ZSWIM6: variants seen among roughly 807,000 people sequenced by gnomAD.
ZSWIM6 encodes zinc finger SWIM-type containing 6.
In ZSWIM6, 9 loss-of-function variants were observed where a neutral mutation model predicts 113.2. The ratio of observed to expected loss-of-function variants is 0.08; its 90% CI spans 0.05 to 0.14. The LOEUF (loss-of-function observed/expected upper bound fraction) is 0.14. Ranked by LOEUF, ZSWIM6 falls within the 10% of genes least tolerant of loss-of-function variation. The probability of loss-of-function intolerance (pLI) is 1.00; values close to 1 mark genes in which losing one functional copy is unlikely to be tolerated. For synonymous variants in ZSWIM6, 611 were observed against 606.5 expected (o/e 1.01, Z -0.11); for missense variants, 1,162 against 1,552.2 (o/e 0.75, Z 4.22).
intron 1 of ZSWIM6, among the ~76,000 whole-genome samples, chr5:61,422,210 T>A (rs549150873): frequency 6.6e-6 from 1 of 152,332 alleles, no homozygotes; most frequent in East Asian, 1.9e-4. Context: ...GTCTTAGATT[T>A]AAGTGTTTAA....
At chr5:61,465,606 A>G (rs1321144272) in intron 1 of ZSWIM6, among the ~76,000 whole-genome samples, 1 of 152,194 alleles carries the variant, frequency 6.6e-6, no homozygotes, top group Non-Finnish European at 1.5e-5. Flanking sequence ...AAAATGGTGT[A>G]AGAATCTACA....
chr5:61,538,668 C>G lies in ZSWIM6; in HGVS notation c.2382-146C>G, dbSNP rs543569388. On this transcript the variant is annotated intron_variant, in intron 10 of 13. Coordinates refer to ENST00000252744, the MANE Select transcript of ZSWIM6 (RefSeq NM_020928.2). ...ATCTAGGTATTTTGCACCCACACAG[C>G]AGAGTATAGCTGTACCAGCCCTTGC... 7 of 824,030 alleles carry G rather than the reference C, an allele frequency of 8.5e-6. No individual in the cohort carries two copies. The East Asian group carries it at 1.9e-4, about 23-fold the overall frequency. The allele number at this position is 824,030 out of a possible 1,614,324, so 51.0% of individuals were successfully genotyped here.
At chr5:61,507,837 TATG>T (rs1481007072) in intron 4 of ZSWIM6, among the ~76,000 whole-genome samples, 7 of 152,300 alleles carry the variant, frequency 4.6e-5, no homozygotes, top group African/African-American at 1.7e-4. Context: ...TATGCTGAAA[TATG>T]AGGAATGGAA....
Position 61,519,744 on chromosome 5 carries a change from A to G in ZSWIM6, c.1334-1519A>G, listed in dbSNP as rs368313253. On this transcript the variant is annotated intron_variant, in intron 4 of 13. Transcript: ENST00000252744. ...AGCTATTTGATATTTAAAATAATAG[A>G]TACTCTTACATAGCAGTCCCCAACC... is the stretch of plus-strand genomic sequence containing the variant. Among the ~76,000 whole-genome samples the G allele has an allele frequency of 1.8e-4, 27 of 152,200 alleles. No individual in the cohort carries two copies. The East Asian group carries it at 5.0e-3, about 28-fold the overall frequency.
intron 1 of ZSWIM6, among the ~76,000 whole-genome samples, chr5:61,416,810 A>G (rs1186750256): frequency 6.6e-6 from 1 of 152,252 alleles, no homozygotes. Context: ...TAGACAGGGA[A>G]TGAATGAGAA....
intron 1 of ZSWIM6, among the ~76,000 whole-genome samples, chr5:61,408,239 T>C (rs1406937140): frequency 6.6e-6 from 1 of 152,242 alleles, no homozygotes; most frequent in Non-Finnish European, 1.5e-5. Context: ...AAAATACTTC[T>C]GGGTGAATAC....
chr5:61,391,032 G>C, intron 1 of ZSWIM6: 1 of 747,884 alleles, frequency 1.3e-6, no homozygotes, highest in Non-Finnish European at 2.5e-6. Flanking sequence ...AGATCTTGTT[G>C]ATCTCAGTGC....
chr5:61,405,127 G>T (rs1454584986), intron 1 of ZSWIM6, among the ~76,000 whole-genome samples: 1 of 152,208 alleles, frequency 6.6e-6, no homozygotes, highest in Non-Finnish European at 1.5e-5. Flanking sequence ...TGTTGTAGAG[G>T]TTAGTTGCTA....
Position 61,544,332 on chromosome 5 carries a change from ATGGGGTGGGGGG to A in ZSWIM6, c.*21_*32del. 1 of 190,958 alleles carries A rather than the reference ATGGGGTGGGGGG, an allele frequency of 5.2e-6. No homozygotes were observed. The highest frequency in any genetic ancestry group is 1.0e-5 in the Non-Finnish European group (1 of 98,516). The allele number at this position is 190,958 out of a possible 1,614,324, so 11.8% of individuals were successfully genotyped here. A position where few individuals can be genotyped will look rare whatever the true frequency, so the allele number is the denominator to read the frequency against. ...GGTTTGGTTGATAGATCTTGTATGA[ATGGGGTGGGGGG>A]TGGGGATGGGAGGGATGGTTTGTTT... On this transcript the variant is annotated 3_prime_UTR_variant, in exon 14 of 14. Transcript: ENST00000252744.
chr5:61,541,396 A>T (rs1258618843), intron 12 of ZSWIM6, among the ~76,000 whole-genome samples: 1 of 152,218 alleles, frequency 6.6e-6, no homozygotes, highest in East Asian at 1.9e-4. Context: ...AGTTACCTTC[A>T]TGGTCACCAG....
chr5:61,526,146 G>T (rs1169605863), intron 6 of ZSWIM6, 104 bp from the exon 7 acceptor site: 3 of 1,442,028 alleles, frequency 2.1e-6, no homozygotes, highest in East Asian at 2.5e-5. Flanking sequence ...ATGGTTTCTT[G>T]TGTCTTTTTA....
chr5:61,391,506 C>T (rs1192738659), intron 1 of ZSWIM6: 18 of 1,247,302 alleles, frequency 1.4e-5, no homozygotes, highest in Non-Finnish European at 2.1e-5. Context: ...TAGATTTATG[C>T]CGGTTTTTAT....
intron 1 of ZSWIM6, among the ~76,000 whole-genome samples, chr5:61,443,705 A>C (rs188564193): frequency 6.6e-6 from 1 of 152,314 alleles, no homozygotes; most frequent in African/African-American, 2.4e-5. Flanking sequence ...TCAGTTTCCC[A>C]AGCAATAAGA....
At chr5:61,427,281 A>G (rs1236039817) in intron 1 of ZSWIM6, among the ~76,000 whole-genome samples, 2 of 152,134 alleles carry the variant, frequency 1.3e-5, no homozygotes, top group African/African-American at 2.4e-5. Flanking sequence ...CTTATATAAA[A>G]TGGCATTTGG....
chr5:61,351,603 C>A (rs1217621634), intron 1 of ZSWIM6, among the ~76,000 whole-genome samples: 1 of 152,116 alleles, frequency 6.6e-6, no homozygotes, highest in African/African-American at 2.4e-5. Flanking sequence ...TCAAATCTTA[C>A]TTGTGGTTTT....
Position 61,533,436 on chromosome 5 carries a change from A to G in ZSWIM6, c.2245+1711A>G, listed in dbSNP as rs182096987. 2.8e-3 allele frequency among the ~76,000 whole-genome samples: 432 copies of G among 152,356 alleles called. 2 individuals carry two copies. The highest frequency in any genetic ancestry group is 9.3e-3 in the South Asian group (45 of 4,832). ...TTGCTAGTATTAATCCCTCCTGGCCACAATATTGGATAGATAAATTAGCAT... is the reference window on the plus strand; with the variant it reads ...TTGCTAGTATTAATCCCTCCTGGCCGCAATATTGGATAGATAAATTAGCAT... On this transcript the variant is annotated intron_variant, in intron 9 of 13. Coordinates refer to ENST00000252744, the MANE Select transcript of ZSWIM6 (RefSeq NM_020928.2).
In ZSWIM6 at chr5:61,332,337, G is replaced by A; in HGVS notation, c.65G>A (p.Gly22Asp). 1 of 1,071,224 alleles carries A rather than the reference G, an allele frequency of 9.3e-7. No individual in the cohort carries two copies. Among genetic ancestry groups the A allele is most frequent in the Non-Finnish European group, 1.1e-6 (1 of 870,966 alleles). The allele number at this position is 1,071,224 out of a possible 1,614,324, so 66.4% of individuals were successfully genotyped here. ...CTTTGCTGCCGGCCGGGCGGCGGCG[G>A]CGGCGGCGGGGGCAGCAGCGGCGGC... is the stretch of plus-strand genomic sequence containing the variant. The part of the protein sequence containing the change: ...KRLCCRPGGG[G>D]GGGGSSGGGG... Residue 22 changes from glycine to aspartate, a missense_variant, in exon 1 of 14, where the codon GGC becomes GAC. Gly to Asp is a moderately conservative substitution (Grantham distance 94, BLOSUM62 -1). Around this residue, in one of 4 missense-constraint regions of ZSWIM6, gnomAD observed 333 missense variants for 293.4 expected, o/e 1.13. Coordinates refer to ENST00000252744, the MANE Select transcript of ZSWIM6 (RefSeq NM_020928.2).
rs1462856253 is a variant in ZSWIM6, at chr5:61,533,770, G to GTTAGAT, written c.2246-1712_2246-1707dup. 9.8e-5 allele frequency among the ~76,000 whole-genome samples: 15 copies of GTTAGAT among 152,334 alleles called. No homozygotes were observed. The East Asian group carries it at 2.1e-3, about 22-fold the overall frequency. The stretch of plus-strand genomic sequence containing the variant: ...AGTCCTTAAGTAAAATAGTTAGTGT[G>GTTAGAT]TTAGATTGGGCTGCCATAACAAAAT... On this transcript the variant is annotated intron_variant, in intron 9 of 13. Coordinates refer to ENST00000252744, the MANE Select transcript of ZSWIM6 (RefSeq NM_020928.2).
At chr5:61,342,788 T>C (rs1214943565) in intron 1 of ZSWIM6, among the ~76,000 whole-genome samples, 1 of 152,220 alleles carries the variant, frequency 6.6e-6, no homozygotes, top group Non-Finnish European at 1.5e-5. Context: ...ACTATAATAT[T>C]GATCATCTTA....
Sources: allele counts gnomAD v4.1 joint callset (sites outside exome capture counted in the v4.1 genomes callset), GRCh38; gene constraint gnomAD v4.1.1; regional missense constraint gnomAD v4.1.1; transcripts MANE v1.5; gene names NCBI Gene and HGNC (gene_info 2026-07-23, HGNC 2026-07-21).